OVCH1: variants seen among roughly 807,000 people sequenced by gnomAD.
The protein encoded by OVCH1 is ovochymase-1.
In OVCH1, 139 loss-of-function variants were observed where a neutral mutation model predicts 138.4. The observed-to-expected ratio is 1.00, with a 90% confidence interval of 0.87 to 1.16. OVCH1 has a LOEUF of 1.16. Ranked by LOEUF, OVCH1 falls within the 50% of genes most tolerant of loss-of-function variation. The pLI, the probability that OVCH1 is intolerant of heterozygous loss-of-function variation, is 0.00. For synonymous variants in OVCH1, 453 were observed against 467.8 expected, an observed-to-expected ratio of 0.97 and a Z score of 0.41; for missense variants, 1,367 against 1,357.9, an observed-to-expected ratio of 1.01 and a Z score of -0.11.
At chr12:29,465,155 TTGA>T in exon 17 of OVCH1, 1 of 1,602,028 alleles carries the variant, frequency 6.2e-7, no homozygotes, top group Non-Finnish European at 8.5e-7. Context: ...ACCTGCTCTG[TTGA>T]TTCCTTCAGG....
intron 19 of OVCH1, 156 bp downstream of exon 19, chr12:29,461,693 ATTAAC>A (rs1270102347): frequency 1.4e-5 from 13 of 928,434 alleles, no homozygotes; most frequent in Admixed American, 4.0e-5. Context: ...ATTCGGATTA[ATTAAC>A]TTATTACTTC....
chr12:29,444,413 G>A, intron 23 of OVCH1, 133 bp from the exon 24 acceptor site: 1 of 1,016,222 alleles, frequency 9.8e-7, no homozygotes, highest in Non-Finnish European at 1.4e-6. Flanking sequence ...TTAGGAGGTG[G>A]TTGGTTTCAC....
intron 8 of OVCH1, among the ~76,000 whole-genome samples, chr12:29,481,258 T>C (rs1592101825): frequency 6.6e-6 from 1 of 152,146 alleles, no homozygotes; most frequent in Non-Finnish European, 1.5e-5. Context: ...CTAAAGACAG[T>C]GTTTGGTGAC....
chr12:29,428,592 C>T (rs908412399), intron 27 of OVCH1, among the ~76,000 whole-genome samples: 2 of 152,156 alleles, frequency 1.3e-5, no homozygotes, highest in African/African-American at 4.8e-5. Context: ...TCTTCCCCTC[C>T]TCCATACCCC....
intron 19 of OVCH1, among the ~76,000 whole-genome samples, chr12:29,456,571 A>G (rs1941957219): frequency 6.6e-6 from 1 of 152,220 alleles, no homozygotes; most frequent in South Asian, 2.1e-4. Context: ...TATTGTTATT[A>G]AGGGAACCAA....
intron 3 of OVCH1, among the ~76,000 whole-genome samples, chr12:29,422,173 A>G (rs1941113809): frequency 6.6e-6 from 1 of 152,186 alleles, no homozygotes; most frequent in Admixed American, 6.5e-5. Flanking sequence ...GCAATATTTT[A>G]TTAGTATCCA....
intron 17 of OVCH1, 39 bp downstream of exon 17, chr12:29,465,108 A>C: frequency 6.6e-7 from 1 of 1,518,792 alleles, no homozygotes; most frequent in Non-Finnish European, 9.0e-7. Flanking sequence ...GACAACATTT[A>C]GATTACAGGC....
At chr12:29,446,293 G>A (rs1941614198) in intron 22 of OVCH1, among the ~76,000 whole-genome samples, 2 of 152,004 alleles carry the variant, frequency 1.3e-5, no homozygotes, top group African/African-American at 4.8e-5. Flanking sequence ...AGCCAAGAAA[G>A]AGAAAAGAAG....
In OVCH1 at chr12:29,477,223, C is replaced by A. The variant is rs184388306; in HGVS notation, c.1256G>T (p.Cys419Phe). 1.9e-6 allele frequency: 3 copies of A among 1,613,666 alleles called. No homozygotes were observed. The South Asian group carries it at 3.3e-5, about 18-fold the overall frequency. Residue 419 changes from cysteine to phenylalanine, a missense_variant, in exon 12 of 28, where the codon TGT becomes TTT. By Grantham distance (205) the Cys-to-Phe change is radical. Coordinates refer to ENST00000318184, the Ensembl canonical transcript of OVCH1. ...TTCTACCAATATAGCCAGACTCCCA[C>A]AACCTGACCCTGTGGAAGCATTGGG... is the stretch of plus-strand genomic sequence containing the variant.
the OVCH1 span, among the ~76,000 whole-genome samples, chr12:29,406,058 A>C: frequency 6.6e-6 from 1 of 152,182 alleles, no homozygotes; most frequent in African/African-American, 2.4e-5. Flanking sequence ...AAAATGCCTC[A>C]CATCATTAGA....
At position 29,475,779 on chromosome 12, in the gene OVCH1, C is replaced by T. The variant is rs182837906; in HGVS notation, c.1471+427G>A. ...TCAAACTCAGTAAATTGTTAGGTCA[C>T]GATTAAAAGTATATTTGAAGTTTTA... On this transcript the variant is annotated intron_variant, in intron 13 of 27. Transcript: ENST00000318184. Among the ~76,000 whole-genome samples the T allele has an allele frequency of 7.9e-5, 12 of 152,210 alleles. No homozygotes were observed. In the East Asian group the frequency reaches 9.6e-4, roughly 12 times the overall value.
chr12:29,476,978 A>C, intron 12 of OVCH1, 124 bp downstream of exon 12: 1 of 1,190,132 alleles, frequency 8.4e-7, no homozygotes, highest in African/African-American at 1.5e-5. Context: ...AGTAAAAAAA[A>C]ATGGCAAATG....
chr12:29,442,364 T>C (rs1384691094), intron 25 of OVCH1, among the ~76,000 whole-genome samples: 2 of 141,072 alleles, frequency 1.4e-5, no homozygotes, highest in African/African-American at 5.2e-5. Flanking sequence ...CAGTAAACTA[T>C]CTCAAGAACA....
intron 8 of OVCH1, among the ~76,000 whole-genome samples, chr12:29,481,060 A>G (rs2136049880): frequency 6.6e-6 from 1 of 152,096 alleles, no homozygotes; most frequent in Non-Finnish European, 1.5e-5. Context: ...TCAACTTCAC[A>G]GTGCCGAATT....
chr12:29,404,135 A>C, the OVCH1 span, among the ~76,000 whole-genome samples: 1 of 152,202 alleles, frequency 6.6e-6, no homozygotes. Context: ...TTCTTTTCCC[A>C]TTTGTAATCA....
intron 26 of OVCH1, among the ~76,000 whole-genome samples, chr12:29,435,649 C>T (rs1479824964): frequency 2.0e-5 from 3 of 152,152 alleles, no homozygotes; most frequent in African/African-American, 7.2e-5. Flanking sequence ...CTACCGCACC[C>T]GGAGGCCCCG....
chr12:29,425,065 G>A (rs1372589106), downstream of OVCH1, among the ~76,000 whole-genome samples: 1 of 152,120 alleles, frequency 6.6e-6, no homozygotes, highest in Non-Finnish European at 1.5e-5. Context: ...AATGAACCTT[G>A]ACTTCAATGA....
At chr12:29,427,749 A>G (rs1167485082) in intron 27 of OVCH1, 31 of 1,461,702 alleles carry the variant, frequency 2.1e-5, no homozygotes, top group Non-Finnish European at 2.8e-5. Context: ...AAGCCAGGAG[A>G]GTAGCAACAG....
At chr12:29,443,210 T>C in intron 25 of OVCH1, 151 bp downstream of exon 25, 1 of 753,160 alleles carries the variant, frequency 1.3e-6, no homozygotes. Context: ...ATTTTAAATC[T>C]GACACAAGTT....
Sources: allele counts gnomAD v4.1 joint callset (sites outside exome capture counted in the v4.1 genomes callset), GRCh38; gene constraint gnomAD v4.1.1; transcripts MANE v1.5; gene names NCBI Gene and HGNC (gene_info 2026-07-23, HGNC 2026-07-21).